Variants in TANC2 observed in about 807,000 individuals in gnomAD.
The protein encoded by TANC2 is tetratricopeptide repeat, ankyrin repeat and coiled-coil containing 2, also known as protein TANC2.
Under a neutral mutation model 210.5 loss-of-function variants are expected in TANC2, and 26 were observed. That is an observed-to-expected ratio of 0.12 (90% CI 0.09 to 0.17). The LOEUF is 0.17. TANC2 is among the 10% of genes least tolerant of loss of function. TANC2 has a pLI of 1.00. For missense variants in TANC2, 2,129 were observed against 2,608.9 expected, an observed-to-expected ratio of 0.82 and a Z score of 4.01; for synonymous variants, 931 against 967.1, an observed-to-expected ratio of 0.96 and a Z score of 0.69.
intron 1 of TANC2, among the ~76,000 whole-genome samples, chr17:63,006,949 G>A (rs2033650548): frequency 6.6e-6 from 1 of 152,098 alleles, no homozygotes; most frequent in Non-Finnish European, 1.5e-5. Flanking sequence ...ATCTTGGCTA[G>A]ATGAGATGGC....
At chr17:63,213,872 C>A (rs190307336) in intron 7 of TANC2, among the ~76,000 whole-genome samples, 17 of 152,306 alleles carry the variant, frequency 1.1e-4, no homozygotes, top group African/African-American at 4.1e-4. Flanking sequence ...ACATTTTCAG[C>A]ACCAGGACTG....
At chr17:63,308,495 G>A (rs1281352872) in intron 9 of TANC2, among the ~76,000 whole-genome samples, 1 of 152,136 alleles carries the variant, frequency 6.6e-6, no homozygotes, top group Non-Finnish European at 1.5e-5. Context: ...GTCACTCAAA[G>A]GAAATATAAA....
intron 1 of TANC2, among the ~76,000 whole-genome samples, chr17:62,972,588 G>A (rs2031764388): frequency 6.6e-6 from 1 of 152,050 alleles, no homozygotes; most frequent in African/African-American, 2.4e-5. Flanking sequence ...CCATTGCGTT[G>A]CTTCCAGAGT....
intron 2 of TANC2, among the ~76,000 whole-genome samples, chr17:63,029,859 G>A (rs1362136750): frequency 4.6e-5 from 7 of 152,174 alleles, no homozygotes; most frequent in Non-Finnish European, 8.8e-5. Flanking sequence ...TCCAAATAGA[G>A]AAAGCAGCAT....
chr17:63,409,865 A>G (rs1278001629), intron 21 of TANC2, among the ~76,000 whole-genome samples: 1 of 152,232 alleles, frequency 6.6e-6, no homozygotes, highest in African/African-American at 2.4e-5. Flanking sequence ...GCTTAGTTAT[A>G]TATCGCTTAT....
chr17:63,117,410 A>G (rs562122122), intron 4 of TANC2, among the ~76,000 whole-genome samples: 2 of 152,304 alleles, frequency 1.3e-5, no homozygotes, highest in African/African-American at 4.8e-5. Flanking sequence ...ATGTCAACCA[A>G]TCTAATGAAA....
chr17:63,263,132 A>G (rs551028276), intron 8 of TANC2, among the ~76,000 whole-genome samples: 3 of 152,316 alleles, frequency 2.0e-5, no homozygotes, highest in Admixed American at 2.0e-4. Flanking sequence ...TGTTAAGCAC[A>G]TTTTAATCGG....
At chr17:62,971,890 A>G (rs2031715980) in intron 1 of TANC2, among the ~76,000 whole-genome samples, 1 of 152,136 alleles carries the variant, frequency 6.6e-6, no homozygotes, top group Admixed American at 6.5e-5. Flanking sequence ...TTCATCCCCA[A>G]ACCATCTCTG....
At chr17:62,998,484 A>C (rs1206902991) in intron 1 of TANC2, among the ~76,000 whole-genome samples, 1 of 152,236 alleles carries the variant, frequency 6.6e-6, no homozygotes. Context: ...CTGAAAGAAA[A>C]AAATGTTAAA....
At chr17:62,990,558 A>T (rs1249872487) in intron 1 of TANC2, among the ~76,000 whole-genome samples, 3 of 152,146 alleles carry the variant, frequency 2.0e-5, no homozygotes, top group Admixed American at 6.5e-5. Context: ...TGCTGGAATT[A>T]CAGGTGTGAG....
intron 6 of TANC2, chr17:63,197,730 T>C (rs1307926425): frequency 1.3e-5 from 2 of 152,202 alleles, no homozygotes; most frequent in East Asian, 1.9e-4. Context: ...GAGATCCAGA[T>C]TGGGAGCTTT....
At chr17:63,386,982 A>G (rs565662678) in intron 15 of TANC2, among the ~76,000 whole-genome samples, 3 of 152,002 alleles carry the variant, frequency 2.0e-5, no homozygotes, top group Admixed American at 6.5e-5. Flanking sequence ...CCTCCCAAGT[A>G]GCTGGGACCA....
intron 4 of TANC2, chr17:63,120,831 A>AAC (rs2038441921): frequency 2.0e-5 from 3 of 151,052 alleles, no homozygotes; most frequent in African/African-American, 4.9e-5. Flanking sequence ...AAAAAAAAAA[A>AAC]AAAAAAAAAA....
chr17:63,232,776 C>G (rs2042512609), intron 7 of TANC2, among the ~76,000 whole-genome samples: 3 of 152,256 alleles, frequency 2.0e-5, no homozygotes, highest in South Asian at 4.1e-4. Flanking sequence ...CTGGCTGCCC[C>G]TTGGGCAGAG....
At chr17:63,018,139 G>A (rs772397320) in intron 2 of TANC2, among the ~76,000 whole-genome samples, 1 of 151,702 alleles carries the variant, frequency 6.6e-6, no homozygotes, top group Admixed American at 6.6e-5. Flanking sequence ...GAAAAAAAAA[G>A]AGCAGTTATT....
At chr17:63,325,595 CA>C (rs2045622895) in intron 11 of TANC2, among the ~76,000 whole-genome samples, 1 of 152,186 alleles carries the variant, frequency 6.6e-6, no homozygotes, top group African/African-American at 2.4e-5. Flanking sequence ...GGAGGGCAGA[CA>C]GGGGTCATAG....
rs139024147 is a variant in TANC2, at chr17:63,018,258, A to G, written c.67+8632A>G. Among the ~76,000 whole-genome samples the G allele has an allele frequency of 6.6e-5, 10 of 152,272 alleles. No individual in the cohort carries two copies. In the East Asian group the frequency reaches 1.9e-3, roughly 29 times the overall value. On this transcript the variant is annotated intron_variant, in intron 2 of 27. Coordinates refer to ENST00000689528, the Ensembl canonical transcript of TANC2. ...GTAATCCCAGCCCTTTGGGAGGCTGATGTCGGCGGGTCACCGGGAAGTCGG... is the reference window on the plus strand; with the variant it reads ...GTAATCCCAGCCCTTTGGGAGGCTGGTGTCGGCGGGTCACCGGGAAGTCGG...
intron 9 of TANC2, among the ~76,000 whole-genome samples, chr17:63,275,396 A>G (rs765934403): frequency 3.4e-4 from 51 of 152,184 alleles, no homozygotes; most frequent in Non-Finnish European, 6.6e-4. Flanking sequence ...TGGCCCTGCC[A>G]CAGTTAACTT....
chr17:63,098,336 G>C (rs1177691440), intron 3 of TANC2, among the ~76,000 whole-genome samples: 1 of 151,576 alleles, frequency 6.6e-6, no homozygotes, highest in Non-Finnish European at 1.5e-5. Flanking sequence ...TCAAGTTTCA[G>C]TTCCTACTTT....
Sources: allele counts gnomAD v4.1 joint callset (sites outside exome capture counted in the v4.1 genomes callset), GRCh38; gene constraint gnomAD v4.1.1; transcripts MANE v1.5; gene names NCBI Gene and HGNC (gene_info 2026-07-23, HGNC 2026-07-21).